CAST: variants seen among roughly 807,000 people sequenced by gnomAD.
CAST encodes calpastatin.
CAST carries 76 observed loss-of-function variants against 119.6 expected under a neutral mutation model. The ratio of observed to expected loss-of-function variants is 0.64; its 90% CI spans 0.53 to 0.77. The LOEUF (loss-of-function observed/expected upper bound fraction) is 0.77, where lower values mean the gene tolerates loss of function less well. Ranked by LOEUF, CAST falls within the 30% of genes least tolerant of loss-of-function variation. The pLI is 0.00. For synonymous variants in CAST, 319 were observed against 331.6 expected (o/e 0.96, Z 0.41); for missense variants, 953 against 946.5 (o/e 1.01, Z -0.09).
chr5:96,515,259 T>G, the CAST span, among the ~76,000 whole-genome samples: 3 of 150,304 alleles, frequency 2.0e-5, no homozygotes, highest in African/African-American at 7.3e-5. Context: ...AAGTTGGTAG[T>G]CCTGGGGATG....
the CAST span, among the ~76,000 whole-genome samples, chr5:96,006,742 G>T: frequency 2.6e-5 from 4 of 152,170 alleles, no homozygotes; most frequent in African/African-American, 9.7e-5. Flanking sequence ...GCAAAACCAC[G>T]GCGAATGTAC....
the CAST span, among the ~76,000 whole-genome samples, chr5:96,008,173 G>C: frequency 6.6e-6 from 1 of 152,188 alleles, no homozygotes; most frequent in Admixed American, 6.5e-5. Context: ...CCTGAGCTAA[G>C]ATGCAGACCT....
intron 2 of CAST, 111 bp downstream of exon 2, chr5:96,675,712 G>A: frequency 1.5e-5 from 11 of 728,852 alleles, no homozygotes; most frequent in South Asian, 4.5e-5. Flanking sequence ...CTTAATATTG[G>A]GAAATTTTGA....
chr5:95,975,831 T>G, the CAST span, among the ~76,000 whole-genome samples: 1 of 152,172 alleles, frequency 6.6e-6, no homozygotes, highest in Non-Finnish European at 1.5e-5. Flanking sequence ...TTATAATCAT[T>G]TATTGCCTAC....
chr5:96,448,979 G>A, the CAST span, among the ~76,000 whole-genome samples: 4,715 of 152,134 alleles, frequency 0.031, 222 homozygotes, highest in African/African-American at 0.1. Context: ...GGCTTATTAT[G>A]AAAAACAACA....
intron 1 of CAST, among the ~76,000 whole-genome samples, chr5:96,590,118 T>C (rs554546882): frequency 2.6e-5 from 4 of 152,338 alleles, no homozygotes; most frequent in East Asian, 1.9e-4. Flanking sequence ...AATTCTTCTA[T>C]AATTTTTCAG....
the CAST span, among the ~76,000 whole-genome samples, chr5:96,373,467 T>C: frequency 6.6e-6 from 1 of 152,228 alleles, no homozygotes; most frequent in East Asian, 1.9e-4. Flanking sequence ...CAACAATATT[T>C]CACAGAGGAT....
chr5:96,264,992 C>G, the CAST span, among the ~76,000 whole-genome samples: 1 of 152,082 alleles, frequency 6.6e-6, no homozygotes, highest in East Asian at 1.9e-4. Context: ...ACATTCCGGT[C>G]CATGTATTTA....
the CAST span, among the ~76,000 whole-genome samples, chr5:96,455,744 G>A: frequency 3.9e-5 from 6 of 152,148 alleles, no homozygotes; most frequent in Non-Finnish European, 7.3e-5. Context: ...AGAGGCCTCC[G>A]TTGAGCAACT....
At chr5:96,444,495 C>T in the CAST span, among the ~76,000 whole-genome samples, 1 of 152,142 alleles carries the variant, frequency 6.6e-6, no homozygotes, top group Non-Finnish European at 1.5e-5. Flanking sequence ...TCAAATATTA[C>T]CACCAAATCA....
intron 3 of CAST, among the ~76,000 whole-genome samples, chr5:96,706,573 G>A (rs1755020176): frequency 6.6e-6 from 1 of 152,226 alleles, no homozygotes; most frequent in Admixed American, 6.5e-5. Context: ...AGCAGAAAAT[G>A]CCAACAGCTG....
the CAST span, among the ~76,000 whole-genome samples, chr5:96,209,639 A>G: frequency 1.3e-5 from 2 of 151,116 alleles, no homozygotes; most frequent in Middle Eastern, 3.4e-3. Context: ...ATTGAATATA[A>G]CCGCACCCCC....
the CAST span, among the ~76,000 whole-genome samples, chr5:96,301,121 G>A: frequency 2.0e-5 from 3 of 152,090 alleles, no homozygotes; most frequent in African/African-American, 7.2e-5. Context: ...AGGAAACTTA[G>A]AATCATGGCA....
the CAST span, among the ~76,000 whole-genome samples, chr5:96,234,616 C>G: frequency 6.6e-6 from 1 of 152,054 alleles, no homozygotes; most frequent in African/African-American, 2.4e-5. Flanking sequence ...GTGAATTTTG[C>G]CCTCATTCTC....
chr5:96,343,572 C>G, the CAST span, among the ~76,000 whole-genome samples: 2 of 152,150 alleles, frequency 1.3e-5, no homozygotes, highest in Admixed American at 1.3e-4. Flanking sequence ...GGAGAAGAAG[C>G]TGAGTTTCAT....
the CAST span, among the ~76,000 whole-genome samples, chr5:96,491,774 G>T: frequency 1.3e-5 from 2 of 152,120 alleles, no homozygotes; most frequent in African/African-American, 2.4e-5. Context: ...ATCAACAGTA[G>T]AATGATAAAT....
intron 1 of CAST, among the ~76,000 whole-genome samples, chr5:96,534,751 A>AAAGAGAAAG (rs1554066272): frequency 2.1e-4 from 5 of 24,300 alleles, no homozygotes; most frequent in Admixed American, 5.1e-4. Flanking sequence ...GAAAGAAAGA[A>AAAGAGAAAG]AGAAAGAAAG....
chr5:96,179,823 T>G, the CAST span, among the ~76,000 whole-genome samples: 1 of 151,906 alleles, frequency 6.6e-6, no homozygotes, highest in Non-Finnish European at 1.5e-5. Context: ...GATCACGAGG[T>G]CAGGAGATCG....
the CAST span, among the ~76,000 whole-genome samples, chr5:96,278,224 G>T: frequency 6.6e-6 from 1 of 152,084 alleles, no homozygotes; most frequent in Non-Finnish European, 1.5e-5. Context: ...CCTCATCTGT[G>T]GGGGAGTGGT....
Sources: allele counts gnomAD v4.1 joint callset (sites outside exome capture counted in the v4.1 genomes callset), GRCh38; gene constraint gnomAD v4.1.1; transcripts MANE v1.5; gene names NCBI Gene and HGNC (gene_info 2026-07-23, HGNC 2026-07-21).